The following ERI3 variants were observed in gnomAD, a reference collection of about 807,000 sequenced individuals.
The protein encoded by ERI3 is ERI1 exoribonuclease family member 3, also known as ERI1 exoribonuclease 3.
Under a neutral mutation model 44.4 loss-of-function variants are expected in ERI3, and 18 were observed. That is an observed-to-expected ratio of 0.41 (90% confidence interval 0.28 to 0.60). ERI3 has a LOEUF of 0.60. Among genes scored for constraint, ERI3 ranks in the 20% least tolerant of loss-of-function variants. The probability of loss-of-function intolerance (pLI) is 0.36; values close to 1 mark genes in which losing one functional copy is unlikely to be tolerated. For missense variants in ERI3, 294 were observed against 435.5 expected, an observed-to-expected ratio of 0.68 and a Z score of 2.89; for synonymous variants, 183 against 164.8, an observed-to-expected ratio of 1.11 and a Z score of -0.84.
chr1:44,223,998 C>T (rs1057366259), intron 8 of ERI3, among the ~76,000 whole-genome samples: 7 of 152,214 alleles, frequency 4.6e-5, no homozygotes, highest in Admixed American at 1.3e-4. Context: ...TACCCCTCAC[C>T]CTGCTATGTT....
chr1:44,289,901 GGACAGACTGGCA>G (rs1337472356), intron 6 of ERI3, among the ~76,000 whole-genome samples: 4 of 152,230 alleles, frequency 2.6e-5, no homozygotes, highest in Non-Finnish European at 5.9e-5. Flanking sequence ...GAGGTCTGCC[GGACAGACTGGCA>G]GACAGGCCAA....
intron 3 of ERI3, among the ~76,000 whole-genome samples, chr1:44,337,717 C>A (rs1395024848): frequency 6.6e-6 from 1 of 152,152 alleles, no homozygotes; most frequent in East Asian, 1.9e-4. Context: ...GGTTGTCATA[C>A]CTGCTTTATG....
intron 7 of ERI3, among the ~76,000 whole-genome samples, chr1:44,280,341 A>C (rs976917709): frequency 2.0e-5 from 3 of 152,176 alleles, no homozygotes; most frequent in Non-Finnish European, 4.4e-5. Flanking sequence ...GAACTGACTA[A>C]ACCATTTAAT....
intron 6 of ERI3, among the ~76,000 whole-genome samples, chr1:44,299,047 G>A (rs1645669177): frequency 6.6e-6 from 1 of 152,078 alleles, no homozygotes; most frequent in South Asian, 2.1e-4. Flanking sequence ...AGGCACGAGG[G>A]AACTTTCTGG....
chr1:44,318,582 C>G (rs1646137292), intron 4 of ERI3, among the ~76,000 whole-genome samples: 1 of 152,218 alleles, frequency 6.6e-6, no homozygotes, highest in African/African-American at 2.4e-5. Flanking sequence ...CCACCTGGGT[C>G]AGCTGGCAAA....
chr1:44,284,104 C>T (rs757727105), intron 7 of ERI3: 6 of 470,228 alleles, frequency 1.3e-5, no homozygotes, highest in South Asian at 9.3e-5. Context: ...GTGAGTCTCC[C>T]TAGTGGACTG....
chr1:44,221,601 G>C lies in ERI3; in HGVS notation c.971C>G (p.Ala324Gly). 6.2e-7 allele frequency: 1 copy of C among 1,614,182 alleles called. No individual in the cohort carries two copies. The highest frequency in any genetic ancestry group is 8.5e-7 in the Non-Finnish European group (1 of 1,180,022). The change falls in exon 9 of 9, where the codon GCC becomes GGC. Residue 324 changes from alanine to glycine, a missense_variant. Physicochemically the swap from Ala to Gly is moderately conservative, Grantham distance 60. Around this residue, in one of 2 missense-constraint regions of ERI3, gnomAD observed 187 missense variants for 338.6 expected, o/e 0.55. Transcript: ENST00000372257. The surrounding 1 kb of genome is among the most constrained non-coding windows in gnomAD (Gnocchi z 5.9). ...KNIANIMKTL[A>G]YRGFIFKQTS... The stretch of plus-strand genomic sequence containing the variant: ...CTGCTTGAAGATGAAGCCTCGATAG[G>C]CGAGTGTCTTCATGATGTTGGCAAT...
chr1:44,311,108 A>G (rs1044578759), intron 5 of ERI3, among the ~76,000 whole-genome samples: 1 of 151,432 alleles, frequency 6.6e-6, no homozygotes, highest in African/African-American at 2.4e-5. Flanking sequence ...ACCTCCCCCA[A>G]GCTCACTGTT....
Position 44,307,434 on chromosome 1 carries a change from G to C in ERI3, c.758+876C>G, listed in dbSNP as rs183383663. On this transcript the variant is annotated intron_variant, in intron 6 of 8. Coordinates refer to ENST00000372257, the MANE Select transcript of ERI3 (RefSeq NM_024066.3). Reference sequence around the variant, plus strand: ...ACACACACACAAACACACACACACAGAGACACACACACGGAATACTTGCTG... The same window carrying C: ...ACACACACACAAACACACACACACACAGACACACACACGGAATACTTGCTG... Among the ~76,000 whole-genome samples, 215 of 152,022 alleles carry C rather than the reference G, an allele frequency of 1.4e-3. 2 individuals are homozygous for C. In the South Asian group the frequency reaches 0.016, roughly 11 times the overall value.
chr1:44,307,155 T>C (rs1457998052), intron 6 of ERI3, among the ~76,000 whole-genome samples: 1 of 152,024 alleles, frequency 6.6e-6, no homozygotes, highest in Non-Finnish European at 1.5e-5. Flanking sequence ...ACCTGATGGG[T>C]GTGGGAGATG....
In ERI3 at chr1:44,230,116, A is replaced by G. The variant is rs2294951; in HGVS notation, c.932-8476T>C. Among the ~76,000 whole-genome samples the G allele has an allele frequency of 4.6e-5, 7 of 152,294 alleles. No individual in the cohort carries two copies. In the East Asian group the frequency reaches 1.4e-3, roughly 29 times the overall value. On this transcript the variant is annotated intron_variant, in intron 8 of 8. Transcript: ENST00000372257. ...TCGTCCTGGCCATAAATTTATCTGG[A>G]GATGATGAAGACTCAATAATCTAGT...
chr1:44,320,635 T>C (rs1646182371), intron 3 of ERI3, among the ~76,000 whole-genome samples: 1 of 152,178 alleles, frequency 6.6e-6, no homozygotes, highest in Admixed American at 6.5e-5. Flanking sequence ...AAAAAAATTA[T>C]TGCTTTTTAA....
intron 6 of ERI3, among the ~76,000 whole-genome samples, chr1:44,307,183 T>C (rs1022765775): frequency 1.1e-4 from 16 of 152,128 alleles, no homozygotes; most frequent in African/African-American, 3.6e-4. Context: ...TGTGTGCTCA[T>C]GTGATTTGGG....
In ERI3 at chr1:44,341,497, G is replaced by A. The variant is rs114045533; in HGVS notation, c.212-2175C>T. 5.7e-3 allele frequency among the ~76,000 whole-genome samples: 863 copies of A among 152,282 alleles called. 5 individuals carry two copies. Among genetic ancestry groups the A allele is most frequent in the African/African-American group, 0.019 (791 of 41,550 alleles). Reference sequence around the variant, plus strand: ...TCTTCTGCAACCCTAAAATGCTCCAGACCTCTGACAGAGCATACTATATAT... The same window carrying A: ...TCTTCTGCAACCCTAAAATGCTCCAAACCTCTGACAGAGCATACTATATAT... On this transcript the variant is annotated intron_variant, in intron 2 of 8. Transcript: ENST00000372257.
At chr1:44,314,835 A>G (rs562977274) in intron 4 of ERI3, among the ~76,000 whole-genome samples, 1 of 152,346 alleles carries the variant, frequency 6.6e-6, no homozygotes, top group South Asian at 2.1e-4. Context: ...CTCTGCCCTC[A>G]TGGAATACAT....
In ERI3 at chr1:44,301,506, C is replaced by A. The variant is rs576035281; in HGVS notation, c.758+6804G>T. On this transcript the variant is annotated intron_variant, in intron 6 of 8. Transcript: ENST00000372257. Reference sequence around the variant, plus strand: ...AAGGAGGCCATGACATAATTTGCCCCTGTAACTGCCACCTGGATAGGACCC... The same window carrying A: ...AAGGAGGCCATGACATAATTTGCCCATGTAACTGCCACCTGGATAGGACCC... 3.8e-3 allele frequency among the ~76,000 whole-genome samples: 577 copies of A among 152,310 alleles called. 7 individuals are homozygous for A. Among genetic ancestry groups the A allele is most frequent in the African/African-American group, 0.013 (539 of 41,570 alleles).
intron 7 of ERI3, among the ~76,000 whole-genome samples, chr1:44,260,917 C>T (rs1459465665): frequency 1.3e-5 from 2 of 152,340 alleles, no homozygotes; most frequent in East Asian, 1.9e-4. Context: ...CTGACCTCCA[C>T]ACCCATTTCT....
At chr1:44,342,484 G>GA (rs1280913168) in intron 2 of ERI3, among the ~76,000 whole-genome samples, 1 of 152,002 alleles carries the variant, frequency 6.6e-6, no homozygotes, top group Non-Finnish European at 1.5e-5. Flanking sequence ...TTGGCAGGAA[G>GA]AATGTGAACT....
At chr1:44,248,694 TGAGAGA>T (rs932091619) in intron 7 of ERI3, among the ~76,000 whole-genome samples, 1 of 127,670 alleles carries the variant, frequency 7.8e-6, no homozygotes, top group East Asian at 2.1e-4. Flanking sequence ...TGTATGTGTG[TGAGAGA>T]GAGTGTGTGT....
Sources: allele counts gnomAD v4.1 joint callset (sites outside exome capture counted in the v4.1 genomes callset), GRCh38; gene constraint gnomAD v4.1.1; regional missense constraint gnomAD v4.1.1; non-coding constraint Gnocchi (gnomAD v3.1); transcripts MANE v1.5; gene names NCBI Gene and HGNC (gene_info 2026-07-23, HGNC 2026-07-21).